The following CECR2 variants were observed in gnomAD, a reference collection of about 807,000 sequenced individuals.
CECR2 encodes the protein CECR2 histone acetyl-lysine reader, also known as chromatin remodeling regulator CECR2.
CECR2 carries 30 observed loss-of-function variants against 154.5 expected under a neutral mutation model. The observed-to-expected ratio is 0.19, with a 90% confidence interval of 0.15 to 0.26. The LOEUF (loss-of-function observed/expected upper bound fraction) is 0.26. CECR2 is among the 10% of genes least tolerant of loss of function. CECR2 has a pLI of 1.00. For synonymous variants in CECR2, 725 were observed against 683.7 expected, an observed-to-expected ratio of 1.06 and a Z score of -0.94; for missense variants, 1,743 against 1,829.3, an observed-to-expected ratio of 0.95 and a Z score of 0.86.
intron 1 of CECR2, among the ~76,000 whole-genome samples, chr22:17,437,851 T>G (rs1208929736): frequency 6.6e-6 from 1 of 152,192 alleles, no homozygotes; most frequent in Non-Finnish European, 1.5e-5. Context: ...TCCTTCGACT[T>G]CAAGGATGTA....
In CECR2 at chr22:17,447,033, C is replaced by CTGTTTTTTTTTTTTTTTTTTTTTT. The variant is rs1339121774; in HGVS notation, c.127-30554_127-30553insGTTTTTTTTTTTTTTTTTTTTTTT. Among the ~76,000 whole-genome samples, 19 of 114,102 alleles carry CTGTTTTTTTTTTTTTTTTTTTTTT rather than the reference C, an allele frequency of 1.7e-4. 6 individuals carry two copies. The highest frequency in any genetic ancestry group is 6.3e-4 in the South Asian group (2 of 3,166). 74.9% of individuals were successfully genotyped at this position (114,102 alleles called of 152,430 possible). On this transcript the variant is annotated intron_variant, in intron 1 of 18. Coordinates refer to ENST00000262608, the MANE Select transcript of CECR2 (RefSeq NM_001290047.2). ...GAGTGCTGAGTGGTGCGTTTACAAT[C>CTGTTTTTTTTTTTTTTTTTTTTTT]TTTTTTTTTTTTTTTTTTTGAGACA...
At chr22:17,551,569 C>T (rs1270589204) in intron 17 of CECR2, among the ~76,000 whole-genome samples, 2 of 151,928 alleles carry the variant, frequency 1.3e-5, no homozygotes, top group African/African-American at 2.4e-5. Flanking sequence ...CCAGCACTTT[C>T]GGGGGCTGAG....
At chr22:17,541,045 A>C (rs925154555) in intron 14 of CECR2, among the ~76,000 whole-genome samples, 1 of 152,154 alleles carries the variant, frequency 6.6e-6, no homozygotes, top group African/African-American at 2.4e-5. Flanking sequence ...CAGCCTCCCA[A>C]AGTGCTGGGA....
rs1456176142 is a variant in CECR2 at position 17,540,607 on chromosome 22, G to T, written c.1691G>T (p.Ser564Ile). ...CGCTCCAGGGACCCAGAAGGGTCCA[G>T]CAGGAAACAGCAGCCCATGGAGAAT... is the stretch of plus-strand genomic sequence containing the variant. Reference protein sequence around the residue: ...WTRSRDPEGSSRKQQPMENGG... With the variant: ...WTRSRDPEGSIRKQQPMENGG... The change falls in exon 14 of 19, where the codon AGC (serine) becomes ATC (isoleucine). Residue 564 changes from serine (S) to isoleucine (I), a missense_variant. Ser to Ile is a moderately radical substitution (Grantham distance 142). Transcript: ENST00000262608. The T allele has an allele frequency of 6.2e-7, 1 of 1,613,712 alleles. No individual in the cohort carries two copies.
chr22:17,507,377 T>A (rs1757459256), intron 7 of CECR2, among the ~76,000 whole-genome samples: 1 of 152,208 alleles, frequency 6.6e-6, no homozygotes, highest in Admixed American at 6.5e-5. Context: ...ACTGCAACAA[T>A]TTTTCTAGGA....
At chr22:17,540,319 A>G in intron 13 of CECR2, 93 bp from the exon 14 acceptor site, 2 of 1,182,490 alleles carry the variant, frequency 1.7e-6, no homozygotes, top group South Asian at 2.3e-5. Context: ...TTTGTGACCT[A>G]TAGTTCTGTT....
chr22:17,360,397 C>T (rs1371980135), intron 1 of CECR2, among the ~76,000 whole-genome samples: 1 of 152,136 alleles, frequency 6.6e-6, no homozygotes, highest in African/African-American at 2.4e-5. Flanking sequence ...AAACAAAACA[C>T]TAGGCCGGGT....
intron 17 of CECR2, among the ~76,000 whole-genome samples, chr22:17,550,882 C>A (rs2056698227): frequency 6.6e-6 from 1 of 151,960 alleles, no homozygotes; most frequent in African/African-American, 2.4e-5. Context: ...GCGGAGCTTG[C>A]AGTGAGCCAA....
intron 1 of CECR2, among the ~76,000 whole-genome samples, chr22:17,465,736 G>A (rs1351444351): frequency 6.6e-6 from 1 of 152,038 alleles, no homozygotes; most frequent in Non-Finnish European, 1.5e-5. Context: ...CCCCGCCTCA[G>A]CCTCCCAAAG....
chr22:17,393,461 T>C (rs1419357541), intron 1 of CECR2, among the ~76,000 whole-genome samples: 1 of 152,248 alleles, frequency 6.6e-6, no homozygotes, highest in Non-Finnish European at 1.5e-5. Context: ...CTATTATAAA[T>C]AATGCTGCTC....
At chr22:17,540,832 C>T (rs1313018404) in intron 14 of CECR2, 32 bp downstream of exon 14, 6 of 1,501,624 alleles carry the variant, frequency 4.0e-6, no homozygotes, top group South Asian at 2.9e-5. Flanking sequence ...GTTGCGGTTT[C>T]TCCTAGTTTG....
chr22:17,444,851 A>C (rs967590353), intron 1 of CECR2, among the ~76,000 whole-genome samples: 2 of 152,184 alleles, frequency 1.3e-5, no homozygotes, highest in African/African-American at 4.8e-5. Flanking sequence ...TTACTGTGTT[A>C]ATTACATCAG....
chr22:17,480,633 C>G (rs542960674), intron 2 of CECR2, among the ~76,000 whole-genome samples: 1 of 152,140 alleles, frequency 6.6e-6, no homozygotes, highest in Non-Finnish European at 1.5e-5. Context: ...AATGTACACT[C>G]GTTCTTGTCT....
At chr22:17,470,730 C>A (rs1178346291) in intron 1 of CECR2, among the ~76,000 whole-genome samples, 1 of 152,172 alleles carries the variant, frequency 6.6e-6, no homozygotes, top group African/African-American at 2.4e-5. Context: ...TTCATAATTT[C>A]TTTCCATTTC....
At chr22:17,370,600 A>C (rs1569036505) in intron 1 of CECR2, among the ~76,000 whole-genome samples, 2 of 151,358 alleles carry the variant, frequency 1.3e-5, no homozygotes, top group South Asian at 4.2e-4. Context: ...GAGCCCTTGG[A>C]GTTGATCTCG....
chr22:17,464,801 C>T (rs771081151), intron 1 of CECR2, among the ~76,000 whole-genome samples: 4 of 152,132 alleles, frequency 2.6e-5, no homozygotes, highest in Non-Finnish European at 5.9e-5. Flanking sequence ...GTGCCCAGTC[C>T]AGAACTTCCT....
At chr22:17,500,562 C>T (rs1569124272) in intron 4 of CECR2, 69 bp from the exon 5 acceptor site, 1 of 1,156,616 alleles carries the variant, frequency 8.6e-7, no homozygotes, top group Admixed American at 2.6e-5. Context: ...GCCAGAAATA[C>T]TGTTTTAAAA....
At position 17,413,801 on chromosome 22, in the gene CECR2, C is replaced by T. The variant is rs562708963; in HGVS notation, c.126+43892C>T. Among the ~76,000 whole-genome samples, 251 of 134,002 alleles carry T rather than the reference C, an allele frequency of 1.9e-3. 1 individual carries two copies. In the Middle Eastern group the frequency reaches 0.022, roughly 11 times the overall value. The allele number at this position is 134,002 out of a possible 152,430, so 87.9% of individuals were successfully genotyped here. ...ACGCCATTCTCCTGCCTCAGCTTCCCGAGTAGCTGGGACTACAAGTGCCTG... is the reference window on the plus strand; with the variant it reads ...ACGCCATTCTCCTGCCTCAGCTTCCTGAGTAGCTGGGACTACAAGTGCCTG... On this transcript the variant is annotated intron_variant, in intron 1 of 18. Coordinates refer to ENST00000262608, the MANE Select transcript of CECR2 (RefSeq NM_001290047.2).
At chr22:17,447,033 C>CTGTTTTTTTTTTT (rs1339121774) in intron 1 of CECR2, among the ~76,000 whole-genome samples, 2,479 of 113,874 alleles carry the variant, frequency 0.022, 306 homozygotes, top group African/African-American at 0.033. Context: ...CGTTTACAAT[C>CTGTTTTTTTTTTT]TTTTTTTTTT....
Sources: allele counts gnomAD v4.1 joint callset (sites outside exome capture counted in the v4.1 genomes callset), GRCh38; gene constraint gnomAD v4.1.1; transcripts MANE v1.5; gene names NCBI Gene and HGNC (gene_info 2026-07-23, HGNC 2026-07-21).